The following NCALD variants were observed in gnomAD, a reference collection of about 807,000 sequenced individuals.
NCALD encodes neurocalcin-delta.
Under a neutral mutation model 18.6 loss-of-function variants are expected in NCALD, and 10 were observed. That is an observed-to-expected ratio of 0.54 (90% CI 0.33 to 0.91). The LOEUF is 0.91. Among genes scored for constraint, NCALD ranks in the 40% least tolerant of loss-of-function variants. The pLI is 0.03. For synonymous variants in NCALD, 88 were observed against 87.4 expected (o/e 1.01, Z -0.04); for missense variants, 184 against 247.6 (o/e 0.74, Z 1.72).
rs1197462538 is a variant in NCALD at position 102,030,954 on chromosome 8, T to C, written c.-209-10665A>G. ...AATTCTTTGTATCCCAAGTGATAAA[T>C]GATAAAAAAAAAAAGTCAAAATGGA... On this transcript the variant is annotated intron_variant, in intron 1 of 6. Transcript: ENST00000311028. Among the ~76,000 whole-genome samples the C allele has an allele frequency of 5.6e-5, 7 of 125,248 alleles. No individual in the cohort carries two copies. In the East Asian group the frequency reaches 7.7e-4, roughly 14 times the overall value. The allele number at this position is 125,248 out of a possible 152,430, so 82.2% of individuals were successfully genotyped here. A position where few individuals can be genotyped will look rare whatever the true frequency, so the allele number is the denominator to read the frequency against.
intron 1 of NCALD, among the ~76,000 whole-genome samples, chr8:102,107,364 C>T (rs1393537135): frequency 3.3e-5 from 5 of 151,370 alleles, no homozygotes; most frequent in Non-Finnish European, 7.4e-5. Flanking sequence ...TAACAATGGC[C>T]CTGATACATT....
chr8:101,977,057 T>C (rs1222943643), intron 2 of NCALD, among the ~76,000 whole-genome samples: 1 of 152,092 alleles, frequency 6.6e-6, no homozygotes, highest in Non-Finnish European at 1.5e-5. Flanking sequence ...TCTCCTGATA[T>C]AAATTTAAAT....
At position 101,931,386 on chromosome 8, in the gene NCALD, T is replaced by A. The variant is rs564439388; in HGVS notation, c.-156-15528A>T. ...TACTGGTGGCCCTAAAATAACCCTG[T>A]TAACAACATCAGATATACTGTGTAT... On this transcript the variant is annotated intron_variant, in intron 2 of 6. Coordinates refer to the NCALD transcript ENST00000311028. Among the ~76,000 whole-genome samples the A allele has an allele frequency of 3.3e-5, 5 of 152,320 alleles. No individual in the cohort carries two copies. In the East Asian group the frequency reaches 7.7e-4, roughly 23 times the overall value.
intron 2 of NCALD, among the ~76,000 whole-genome samples, chr8:101,934,440 T>C (rs1818685917): frequency 6.6e-6 from 1 of 151,346 alleles, no homozygotes; most frequent in South Asian, 2.1e-4. Context: ...GTGAGAAGAA[T>C]GGAGAAATAA....
At chr8:101,733,244 T>G (rs1033572158) in intron 1 of NCALD, among the ~76,000 whole-genome samples, 3 of 152,224 alleles carry the variant, frequency 2.0e-5, no homozygotes, top group Non-Finnish European at 4.4e-5. Context: ...AGAATCCCAT[T>G]AATTGGTGAA....
chr8:101,699,035 G>A (rs1033045988), intron 2 of NCALD, among the ~76,000 whole-genome samples: 2 of 151,312 alleles, frequency 1.3e-5, no homozygotes, highest in African/African-American at 4.9e-5. Flanking sequence ...ATCTGACAAA[G>A]GTCTAATATC....
Position 101,827,399 on chromosome 8 carries a change from T to A in NCALD, c.-20+59742A>T, listed in dbSNP as rs140661811. ...TATTTATAAGTACCAAGGATGAGGA[T>A]CTGACATCTTTGGGAACCATTATTT... On this transcript the variant is annotated intron_variant, in intron 4 of 6. Transcript: ENST00000311028. 1.6e-3 allele frequency among the ~76,000 whole-genome samples: 250 copies of A among 152,348 alleles called. 2 individuals carry two copies. Among genetic ancestry groups the A allele is most frequent in the African/African-American group, 5.6e-3 (234 of 41,584 alleles).
intron 1 of NCALD, among the ~76,000 whole-genome samples, chr8:101,758,426 T>C (rs896737018): frequency 1.3e-5 from 2 of 152,220 alleles, no homozygotes; most frequent in South Asian, 4.1e-4. Flanking sequence ...CAAATCACCA[T>C]TGATCCTGGG....
At chr8:101,869,280 G>A (rs1815906556) in intron 4 of NCALD, among the ~76,000 whole-genome samples, 1 of 152,176 alleles carries the variant, frequency 6.6e-6, no homozygotes, top group Admixed American at 6.5e-5. Flanking sequence ...TCTTTCAAGA[G>A]AGAGGGAGGA....
chr8:101,935,220 TA>T (rs1818718321), intron 2 of NCALD, among the ~76,000 whole-genome samples: 2 of 152,178 alleles, frequency 1.3e-5, no homozygotes, highest in Admixed American at 1.3e-4. Flanking sequence ...GATTAATATA[TA>T]ATGATGAAGT....
At chr8:101,756,427 G>A (rs142936019) in intron 1 of NCALD, among the ~76,000 whole-genome samples, 1 of 152,292 alleles carries the variant, frequency 6.6e-6, no homozygotes, top group East Asian at 1.9e-4. Context: ...CAATGGATAG[G>A]CAATGAGTAT....
At chr8:101,911,356 CTTTTCTTTTTTTTT>C (rs1563888953) in intron 3 of NCALD, among the ~76,000 whole-genome samples, 1 of 140,406 alleles carries the variant, frequency 7.1e-6, no homozygotes, top group East Asian at 2.0e-4. Flanking sequence ...TCTTTTTTTT[CTTTTCTTTTTTTTT>C]TTTTTGAGAC....
chr8:101,928,287 A>T (rs979616959), intron 2 of NCALD, among the ~76,000 whole-genome samples: 24 of 152,172 alleles, frequency 1.6e-4, no homozygotes, highest in African/African-American at 4.8e-4. Flanking sequence ...GTCCCACTCC[A>T]TATTTAGTCT....
intron 1 of NCALD, among the ~76,000 whole-genome samples, chr8:101,752,075 T>A (rs191089344): frequency 6.6e-6 from 1 of 152,336 alleles, no homozygotes; most frequent in African/African-American, 2.4e-5. Context: ...ATTATGCCAT[T>A]AGAAACAGGT....
intron 4 of NCALD, among the ~76,000 whole-genome samples, chr8:101,823,112 T>G (rs1227223618): frequency 6.6e-6 from 1 of 152,210 alleles, no homozygotes; most frequent in Non-Finnish European, 1.5e-5. Flanking sequence ...TTATGTAGAG[T>G]TCAAAAGTTT....
At chr8:101,964,937 T>C (rs1387653239) in intron 2 of NCALD, among the ~76,000 whole-genome samples, 3 of 152,010 alleles carry the variant, frequency 2.0e-5, no homozygotes, top group African/African-American at 7.2e-5. Context: ...TTCTCAAGCA[T>C]AAGAAAGTGG....
At chr8:101,773,638 T>C (rs1438094842) in intron 1 of NCALD, among the ~76,000 whole-genome samples, 1 of 152,170 alleles carries the variant, frequency 6.6e-6, no homozygotes, top group African/African-American at 2.4e-5. Flanking sequence ...ACCAAATGAA[T>C]CAGAACTCCT....
intron 1 of NCALD, among the ~76,000 whole-genome samples, chr8:102,073,872 C>G (rs1386811977): frequency 6.6e-6 from 1 of 152,230 alleles, no homozygotes; most frequent in Admixed American, 6.5e-5. Flanking sequence ...CTTTTCACCA[C>G]AGGTTCTCCT....
chr8:101,930,605 C>T (rs1402374923), intron 2 of NCALD, among the ~76,000 whole-genome samples: 1 of 151,896 alleles, frequency 6.6e-6, no homozygotes, highest in Non-Finnish European at 1.5e-5. Flanking sequence ...AAGGCCTATG[C>T]TCCCAGTTTA....
Sources: allele counts gnomAD v4.1 joint callset (sites outside exome capture counted in the v4.1 genomes callset), GRCh38; gene constraint gnomAD v4.1.1; transcripts MANE v1.5; gene names NCBI Gene and HGNC (gene_info 2026-07-23, HGNC 2026-07-21).